Variants in AASDH observed in about 807,000 individuals in gnomAD.
AASDH encodes the protein aminoadipate-semialdehyde dehydrogenase.
Under a neutral mutation model 102.3 loss-of-function variants are expected in AASDH, and 81 were observed. The ratio of observed to expected loss-of-function variants is 0.79; its 90% CI spans 0.66 to 0.95. The LOEUF is 0.95. Among genes scored for constraint, AASDH ranks in the 40% least tolerant of loss-of-function variants. The probability of loss-of-function intolerance (pLI) is 0.00; values close to 1 mark genes in which losing one functional copy is unlikely to be tolerated. For missense variants in AASDH, 1,203 were observed against 1,266.2 expected, an observed-to-expected ratio of 0.95 and a Z score of 0.76; for synonymous variants, 398 against 454.0, an observed-to-expected ratio of 0.88 and a Z score of 1.57.
rs569128914 is a variant in AASDH at position 56,354,921 on chromosome 4, T to C, written c.1104-110A>G. On this transcript the variant is annotated intron_variant, in intron 6 of 14. Coordinates refer to ENST00000205214, the MANE Select transcript of AASDH (RefSeq NM_181806.4). ...ATAAAGAAAAAAAAGTTTGTTACGC[T>C]CTAATTCAAAGACTGACAAGAGGAA... The C allele has an allele frequency of 2.6e-5, 24 of 932,614 alleles. No homozygotes were observed. The African/African-American group carries it at 3.9e-4, about 15-fold the overall frequency. 57.8% of individuals were successfully genotyped at this position (932,614 alleles called of 1,614,324 possible).
At chr4:56,359,809 G>T (rs368328588) in intron 5 of AASDH, among the ~76,000 whole-genome samples, 20 of 148,822 alleles carry the variant, frequency 1.3e-4, no homozygotes, top group African/African-American at 4.5e-4. Flanking sequence ...CACCCGCCTC[G>T]GCCTCCCAAA....
In AASDH at chr4:56,371,789, C is replaced by A. The variant is rs112166931; in HGVS notation, c.669-146G>T. The A allele has an allele frequency of 3.4e-3, 2,325 of 676,466 alleles. 41 individuals carry two copies. In the African/African-American group the frequency reaches 0.039, roughly 11 times the overall value. The allele number at this position is 676,466 out of a possible 1,614,324, so 41.9% of individuals were successfully genotyped here. On this transcript the variant is annotated intron_variant, in intron 4 of 14. Transcript: ENST00000205214. ...CTCTCTTAAATTAGCCAAAATGGTGCTATCAAAATTCAGGAAATCTTCTTT... is the reference window on the plus strand; with the variant it reads ...CTCTCTTAAATTAGCCAAAATGGTGATATCAAAATTCAGGAAATCTTCTTT...
chr4:56,343,543 T>C lies in AASDH; in HGVS notation c.2775+19A>G. On this transcript the variant is annotated intron_variant, in intron 13 of 14. Coordinates refer to ENST00000205214, the MANE Select transcript of AASDH (RefSeq NM_181806.4). The stretch of plus-strand genomic sequence containing the variant: ...TTAAAGAAAAGTAATAAAATCAATA[T>C]GTATTATTTTATGCCTACAGGATTT... 1.3e-6 allele frequency: 2 copies of C among 1,545,614 alleles called. No homozygotes were observed. Among genetic ancestry groups the C allele is most frequent in the East Asian group, 2.3e-5 (1 of 43,620 alleles).
At chr4:56,365,309 C>T (rs149829384) in intron 5 of AASDH, among the ~76,000 whole-genome samples, 2 of 151,806 alleles carry the variant, frequency 1.3e-5, no homozygotes, top group Admixed American at 6.6e-5. Flanking sequence ...AGACAGATCA[C>T]CGAGACAGAA....
intron 4 of AASDH, among the ~76,000 whole-genome samples, chr4:56,377,086 T>TA (rs138854069): frequency 0.5 from 68,787 of 138,118 alleles, 16,458 homozygotes; most frequent in Non-Finnish European, 0.53. Context: ...AAAAAATAAA[T>TA]AAATAAAATA....
At chr4:56,356,263 C>T (rs1414489002) in intron 5 of AASDH, 2 of 938,948 alleles carry the variant, frequency 2.1e-6, no homozygotes, top group South Asian at 1.3e-5. Flanking sequence ...CTGAGCAAGA[C>T]ATCCAGCCCA....
chr4:56,363,468 C>A (rs1322054062), intron 5 of AASDH, among the ~76,000 whole-genome samples: 1 of 152,212 alleles, frequency 6.6e-6, no homozygotes, highest in African/African-American at 2.4e-5. Context: ...CTGGGAGGCA[C>A]CCCCAGTAGG....
intron 1 of AASDH, among the ~76,000 whole-genome samples, chr4:56,387,111 G>A (rs1039580487): frequency 6.6e-6 from 1 of 152,122 alleles, no homozygotes; most frequent in Non-Finnish European, 1.5e-5. Flanking sequence ...AACCACTCTA[G>A]GGGGTAGCTG....
At chr4:56,362,382 A>G (rs1038080177) in intron 5 of AASDH, among the ~76,000 whole-genome samples, 8 of 152,152 alleles carry the variant, frequency 5.3e-5, no homozygotes, top group Non-Finnish European at 2.9e-5. Context: ...CCCCTGCCTC[A>G]GCCTCCTGAG....
intron 5 of AASDH, among the ~76,000 whole-genome samples, chr4:56,365,840 G>C (rs954957313): frequency 2.0e-5 from 3 of 152,146 alleles, no homozygotes; most frequent in Admixed American, 2.0e-4. Context: ...ACATTCAAAA[G>C]CTAGCAGAAG....
rs193102299 is a variant in AASDH at position 56,355,358 on chromosome 4, A to G, written c.927T>C (p.Thr309=). 1.9e-6 allele frequency: 3 copies of G among 1,614,184 alleles called. No homozygotes were observed. The East Asian group carries it at 6.7e-5, about 36-fold the overall frequency. The change falls in exon 6 of 15, where the codon ACT becomes ACC. Residue 309 remains threonine (T), a synonymous_variant. Coordinates refer to ENST00000205214, the MANE Select transcript of AASDH (RefSeq NM_181806.4). ...QLIKSTVLSA[T]TSLRVLALGG... Reference sequence around the variant, plus strand: ...CAAGGGCTAATACTCGAAGAGAAGTAGTGGCTGACAAAACAGTTGACTTGA... The same window carrying G: ...CAAGGGCTAATACTCGAAGAGAAGTGGTGGCTGACAAAACAGTTGACTTGA...
chr4:56,366,583 C>T lies in AASDH; in HGVS notation c.861+4868G>A, dbSNP rs1227098874. ...GGTTCAATATATGCAAATCAATAAACATAATCCAGCATATAAACAGAACCA... is the reference window on the plus strand; with the variant it reads ...GGTTCAATATATGCAAATCAATAAATATAATCCAGCATATAAACAGAACCA... On this transcript the variant is annotated intron_variant, in intron 5 of 14. Coordinates refer to ENST00000205214, the MANE Select transcript of AASDH (RefSeq NM_181806.4). Among the ~76,000 whole-genome samples, 9 of 152,282 alleles carry T rather than the reference C, an allele frequency of 5.9e-5. No homozygotes were observed. The East Asian group carries it at 9.7e-4, about 16-fold the overall frequency.
intron 1 of AASDH, among the ~76,000 whole-genome samples, chr4:56,386,479 C>T (rs758874454): frequency 1.4e-4 from 22 of 152,140 alleles, no homozygotes; most frequent in Non-Finnish European, 3.2e-4. Flanking sequence ...CTTATTAATG[C>T]CCAAATGTTT....
In AASDH at chr4:56,342,785, A is replaced by ATT. The variant is rs776341736; in HGVS notation, c.2907+48_2907+49dup. 9.0e-5 allele frequency: 67 copies of ATT among 743,482 alleles called. No homozygotes were observed. The Admixed American group carries it at 3.0e-3, about 33-fold the overall frequency. The allele number at this position is 743,482 out of a possible 1,614,324, so 46.1% of individuals were successfully genotyped here. A position where few individuals can be genotyped will look rare whatever the true frequency, so the allele number is the denominator to read the frequency against. ...TTCTAGTTCTATTTTTTATATATACATTTATATATATATAAAAATGTATAT... is the reference window on the plus strand; with the variant it reads ...TTCTAGTTCTATTTTTTATATATACATTTTTATATATATATAAAAATGTATAT... On this transcript the variant is annotated intron_variant, in intron 14 of 14. Transcript: ENST00000205214.
chr4:56,354,463 G>A (rs2109895035), intron 7 of AASDH, among the ~76,000 whole-genome samples: 1 of 151,966 alleles, frequency 6.6e-6, no homozygotes, highest in African/African-American at 2.4e-5. Context: ...ATATAATTTT[G>A]GCTATAAATA....
intron 11 of AASDH, among the ~76,000 whole-genome samples, chr4:56,348,285 G>C (rs1347395646): frequency 6.7e-6 from 1 of 148,740 alleles, no homozygotes; most frequent in Non-Finnish European, 1.5e-5. Context: ...ACAGAGTCCT[G>C]CTCTGCTTGC....
At chr4:56,371,664 G>C in intron 4 of AASDH, 21 bp from the exon 5 acceptor site, 1 of 1,581,984 alleles carries the variant, frequency 6.3e-7, no homozygotes, top group East Asian at 2.3e-5. Context: ...ACAGAATGCA[G>C]TTATGAGAAA....
In AASDH at chr4:56,358,886, C is replaced by T. The variant is rs372617802; in HGVS notation, c.862-3463G>A. Among the ~76,000 whole-genome samples, 10 of 152,252 alleles carry T rather than the reference C, an allele frequency of 6.6e-5. No individual in the cohort carries two copies. The East Asian group carries it at 1.7e-3, about 27-fold the overall frequency. On this transcript the variant is annotated intron_variant, in intron 5 of 14. Transcript: ENST00000205214. ...GCTGATTTCTGTCTAGTTTTTCAATCAATTATTGAAAGTGGGGTATTACAA... is the reference window on the plus strand; with the variant it reads ...GCTGATTTCTGTCTAGTTTTTCAATTAATTATTGAAAGTGGGGTATTACAA...
chr4:56,338,828 T>G (rs536834169), intron 14 of AASDH, 37 bp from the exon 15 acceptor site: 10 of 1,569,360 alleles, frequency 6.4e-6, no homozygotes, highest in Non-Finnish European at 8.7e-6. Context: ...AATTCATTCA[T>G]CTAATTGCTC....
Sources: gnomAD v4.1 joint callset for allele counts (sites outside exome capture counted in the v4.1 genomes callset) on GRCh38, gnomAD v4.1.1 for gene constraint, MANE v1.5 for transcripts, NCBI Gene and HGNC (gene_info 2026-07-23, HGNC 2026-07-21) for gene names.